The following BRWD1 variants were observed in gnomAD, a reference collection of about 807,000 sequenced individuals.
BRWD1 encodes the protein bromodomain and WD repeat domain containing 1.
BRWD1 carries 82 observed loss-of-function variants against 251.2 expected under a neutral mutation model. The ratio of observed to expected loss-of-function variants is 0.33; its 90% confidence interval spans 0.27 to 0.39. BRWD1 has a LOEUF of 0.39. Ranked by LOEUF, BRWD1 falls within the 10% of genes least tolerant of loss-of-function variation. The pLI, the probability that BRWD1 is intolerant of heterozygous loss-of-function variation, is 1.00. For synonymous variants in BRWD1, 918 were observed against 902.8 expected (o/e 1.02, Z -0.30); for missense variants, 2,233 against 2,711.6 (o/e 0.82, Z 3.92).
At chr21:39,318,287 AT>A (rs1393502284), upstream of BRWD1, among the ~76,000 whole-genome samples, 1 of 152,214 alleles carries the variant, frequency 6.6e-6, no homozygotes, top group Non-Finnish European at 1.5e-5. Context: ...GAATTAGTAG[AT>A]TAGAGTCCAT....
At chr21:39,265,281 C>T (rs1294897062) in intron 15 of BRWD1, among the ~76,000 whole-genome samples, 1 of 151,848 alleles carries the variant, frequency 6.6e-6, no homozygotes, top group African/African-American at 2.4e-5. Flanking sequence ...AAAAATTAGC[C>T]GGGCGTGGCA....
At chr21:39,291,982 T>C (rs1358252784) in intron 8 of BRWD1, among the ~76,000 whole-genome samples, 2 of 152,068 alleles carry the variant, frequency 1.3e-5, no homozygotes, top group Admixed American at 6.6e-5. Flanking sequence ...AGTCTCACTT[T>C]GTCACCCAGG....
chr21:39,308,657 G>A (rs2036367106), intron 4 of BRWD1, among the ~76,000 whole-genome samples: 1 of 152,062 alleles, frequency 6.6e-6, no homozygotes, highest in South Asian at 2.1e-4. Flanking sequence ...CAAAGATTCT[G>A]ATTTAACTGG....
At chr21:39,208,242 C>T (rs957881172) in intron 36 of BRWD1, among the ~76,000 whole-genome samples, 8 of 151,866 alleles carry the variant, frequency 5.3e-5, no homozygotes, top group African/African-American at 1.7e-4. Context: ...ATTTGAGGGG[C>T]GCAGGGAAGA....
At chr21:39,222,426 C>T (rs1471774701) in intron 29 of BRWD1, among the ~76,000 whole-genome samples, 1 of 152,124 alleles carries the variant, frequency 6.6e-6, no homozygotes, top group Non-Finnish European at 1.5e-5. Flanking sequence ...GATTCCACAG[C>T]TGAGGTAAGG....
intron 36 of BRWD1, 40 bp downstream of exon 36, chr21:39,209,955 G>A (rs1479975032): frequency 2.5e-6 from 4 of 1,594,364 alleles, no homozygotes; most frequent in Non-Finnish European, 2.6e-6. Flanking sequence ...TATCTACACA[G>A]ATCAGGCAGT....
Position 39,288,919 on chromosome 21 carries a change from C to A in BRWD1, c.831+4892G>T, listed in dbSNP as rs538762261. Among the ~76,000 whole-genome samples the A allele has an allele frequency of 4.6e-5, 7 of 152,130 alleles. No homozygotes were observed. The East Asian group carries it at 1.4e-3, about 29-fold the overall frequency. On this transcript the variant is annotated intron_variant, in intron 8 of 40. Transcript: ENST00000342449. Reference sequence around the variant, plus strand: ...AAATCTATATATAAGTCGACCCATGCAATTCAAACCCATATTGTTCAAGGG... The same window carrying A: ...AAATCTATATATAAGTCGACCCATGAAATTCAAACCCATATTGTTCAAGGG...
chr21:39,314,350 G>A, upstream of BRWD1: 1 of 455,846 alleles, frequency 2.2e-6, no homozygotes, highest in South Asian at 1.5e-5. Context: ...GCGCTTCGCC[G>A]AGGGGGTGCG....
At chr21:39,305,487 G>A (rs941021643) in intron 4 of BRWD1, among the ~76,000 whole-genome samples, 26 of 152,112 alleles carry the variant, frequency 1.7e-4, no homozygotes, top group African/African-American at 5.8e-4. Context: ...AGCACTTTGG[G>A]AGGCCAAGGT....
At chr21:39,316,691 C>T (rs955364473), upstream of BRWD1, among the ~76,000 whole-genome samples, 1 of 152,222 alleles carries the variant, frequency 6.6e-6, no homozygotes, top group Middle Eastern at 3.2e-3. Flanking sequence ...GTAATCCCAG[C>T]GCTTTGGGAG....
intron 17 of BRWD1, among the ~76,000 whole-genome samples, chr21:39,263,557 A>C (rs970101759): frequency 1.3e-5 from 2 of 152,220 alleles, no homozygotes; most frequent in African/African-American, 4.8e-5. Context: ...AATAAGCCTC[A>C]TCAATAAATA....
intron 4 of BRWD1, 122 bp downstream of exon 4, chr21:39,312,719 G>C: frequency 1.7e-6 from 1 of 586,094 alleles, no homozygotes; most frequent in Non-Finnish European, 2.8e-6. Flanking sequence ...AGCTATCCCC[G>C]GGCCGCCCCC....
Position 39,191,483 on chromosome 21 carries a change from T to C in BRWD1, c.*4776A>G. ...CCCATTTAAGAACTGACAAAAATCA[T>C]CTAAATGAATAGATTAATTTAGAAC... On this transcript the variant is annotated 3_prime_UTR_variant, in exon 41 of 41. Transcript: ENST00000342449. 1.0e-6 allele frequency: 1 copy of C among 979,342 alleles called. No individual in the cohort carries two copies. Among genetic ancestry groups the C allele is most frequent in the Non-Finnish European group, 1.2e-6 (1 of 824,512 alleles). The allele number at this position is 979,342 out of a possible 1,614,324, so 60.7% of individuals were successfully genotyped here.
intron 25 of BRWD1, among the ~76,000 whole-genome samples, chr21:39,230,827 G>A (rs147594283): frequency 1.3e-5 from 2 of 151,570 alleles, no homozygotes; most frequent in Non-Finnish European, 1.5e-5. Flanking sequence ...AAAAGGCAGA[G>A]CAACACCTTG....
chr21:39,306,669 T>C (rs1394819953), intron 4 of BRWD1, among the ~76,000 whole-genome samples: 1 of 152,162 alleles, frequency 6.6e-6, no homozygotes, highest in African/African-American at 2.4e-5. Context: ...TTTAAAGAAA[T>C]ATATTGGAGT....
chr21:39,241,626 G>C (rs1416250681), intron 21 of BRWD1, among the ~76,000 whole-genome samples: 1 of 150,710 alleles, frequency 6.6e-6, no homozygotes, highest in African/African-American at 2.4e-5. Context: ...AACAATGACA[G>C]ATATACAGAC....
In BRWD1 at chr21:39,260,035, T is replaced by C. The variant is rs1200240158; in HGVS notation, c.1886-1363A>G. 2.0e-5 allele frequency among the ~76,000 whole-genome samples: 3 copies of C among 152,134 alleles called. No homozygotes were observed. The East Asian group carries it at 5.8e-4, about 29-fold the overall frequency. On this transcript the variant is annotated intron_variant, in intron 17 of 40. Transcript: ENST00000342449. ...TCCCTTGCATATCACTGATAATGTC[T>C]TTGTTTTGCTATGGAAACCAAAGAA...
chr21:39,253,008 G>C (rs2034445760), intron 19 of BRWD1, among the ~76,000 whole-genome samples: 1 of 152,194 alleles, frequency 6.6e-6, no homozygotes, highest in South Asian at 2.1e-4. Context: ...TAGAAGCCAA[G>C]GCTGGATGCG....
chr21:39,224,395 C>G lies in BRWD1; in HGVS notation c.3382+13G>C. 1 of 1,506,620 alleles carries G rather than the reference C, an allele frequency of 6.6e-7. No individual in the cohort carries two copies. The highest frequency in any genetic ancestry group is 1.8e-5 in the Admixed American group (1 of 54,060). The allele number at this position is 1,506,620 out of a possible 1,614,324, so 93.3% of individuals were successfully genotyped here. ...AAAATAAAATGTTTTCATTATTTAA[C>G]AAATATATATACCATTATCAGGAAT... On this transcript the variant is annotated intron_variant, in intron 29 of 40. Coordinates refer to ENST00000342449, the MANE Select transcript of BRWD1 (RefSeq NM_033656.4).
Sources: gnomAD v4.1 joint callset for allele counts (sites outside exome capture counted in the v4.1 genomes callset) on GRCh38, gnomAD v4.1.1 for gene constraint, MANE v1.5 for transcripts, NCBI Gene and HGNC (gene_info 2026-07-23, HGNC 2026-07-21) for gene names.